The following MICAL3 variants were observed in gnomAD, a reference collection of about 807,000 sequenced individuals.
MICAL3 encodes the protein microtubule associated monooxygenase, calponin and LIM domain containing 3, also known as [F-actin]-monooxygenase MICAL3.
MICAL3 carries 62 observed loss-of-function variants against 207.4 expected under a neutral mutation model. That is an observed-to-expected ratio of 0.30 (90% CI 0.24 to 0.37). The LOEUF is 0.37. Ranked by LOEUF, MICAL3 falls within the 10% of genes least tolerant of loss-of-function variation. MICAL3 has a pLI of 1.00. For synonymous variants in MICAL3, 1,077 were observed against 1,069.3 expected, an observed-to-expected ratio of 1.01 and a Z score of -0.14; for missense variants, 2,368 against 2,635.6, an observed-to-expected ratio of 0.90 and a Z score of 2.22.
At chr22:17,944,315 T>C (rs539396042) in intron 1 of MICAL3, among the ~76,000 whole-genome samples, 1 of 152,296 alleles carries the variant, frequency 6.6e-6, no homozygotes, top group Non-Finnish European at 1.5e-5. Context: ...TGAATGAAGC[T>C]GTTTAGCCAA....
At chr22:17,884,432 G>A in intron 16 of MICAL3, 1 of 1,129,284 alleles carries the variant, frequency 8.9e-7, no homozygotes, top group Non-Finnish European at 1.3e-6. Context: ...ATTAAGGTGG[G>A]AGAAGAACAG....
At chr22:17,897,821 T>C (rs1294702847) in intron 7 of MICAL3, among the ~76,000 whole-genome samples, 3 of 152,260 alleles carry the variant, frequency 2.0e-5, no homozygotes, top group Admixed American at 2.0e-4. Flanking sequence ...AAATAGTAAG[T>C]AAGACTTGAA....
chr22:18,016,307 A>T (rs1351900495), intron 1 of MICAL3, among the ~76,000 whole-genome samples: 1 of 152,204 alleles, frequency 6.6e-6, no homozygotes, highest in African/African-American at 2.4e-5. Flanking sequence ...GCATTGCCTC[A>T]TGTAGATGAA....
intron 13 of MICAL3, 40 bp downstream of exon 13, chr22:17,888,994 A>G: frequency 6.9e-7 from 1 of 1,453,256 alleles, no homozygotes; most frequent in Non-Finnish European, 9.5e-7. Flanking sequence ...GCCACAGCAC[A>G]GCAGCAGGGG....
At chr22:17,822,230 A>G in intron 23 of MICAL3, 60 bp from the exon 24 acceptor site, 1 of 1,560,524 alleles carries the variant, frequency 6.4e-7, no homozygotes, top group Non-Finnish European at 8.7e-7. Flanking sequence ...CTCCTTTTCC[A>G]CCTGAGAGCA....
intron 1 of MICAL3, chr22:18,005,656 G>C (rs1436516844): frequency 6.6e-6 from 1 of 152,208 alleles, no homozygotes; most frequent in Non-Finnish European, 1.5e-5. Flanking sequence ...CTGCCCATGA[G>C]AGTGTGTCTT....
At chr22:17,984,318 G>A (rs1936056236) in intron 1 of MICAL3, among the ~76,000 whole-genome samples, 1 of 152,230 alleles carries the variant, frequency 6.6e-6, no homozygotes, top group Admixed American at 6.5e-5. Context: ...CCTGCTGCCA[G>A]CCAGGCCAAC....
intron 1 of MICAL3, among the ~76,000 whole-genome samples, chr22:17,940,494 C>G (rs573318446): frequency 1.3e-5 from 2 of 152,282 alleles, no homozygotes; most frequent in Admixed American, 1.3e-4. Flanking sequence ...TACATCACAA[C>G]TTTATCAAAC....
intron 29 of MICAL3, among the ~76,000 whole-genome samples, chr22:17,792,609 T>C (rs2061835573): frequency 6.6e-6 from 1 of 152,198 alleles, no homozygotes; most frequent in Admixed American, 6.5e-5. Context: ...ACACCTCTTA[T>C]CTGCAGTGGT....
chr22:17,855,879 G>A (rs1195547281), intron 19 of MICAL3, among the ~76,000 whole-genome samples: 3 of 152,220 alleles, frequency 2.0e-5, no homozygotes, highest in Non-Finnish European at 4.4e-5. Context: ...TCTCGCCCAC[G>A]CTGCCGAGCC....
intron 1 of MICAL3, among the ~76,000 whole-genome samples, chr22:17,956,106 G>C (rs1016999629): frequency 5.3e-5 from 8 of 152,238 alleles, no homozygotes; most frequent in Admixed American, 1.3e-4. Context: ...GGGAGCTGCA[G>C]AGGGCACACA....
chr22:17,858,996 T>C (rs1005564941), intron 19 of MICAL3, among the ~76,000 whole-genome samples: 1 of 152,210 alleles, frequency 6.6e-6, no homozygotes, highest in African/African-American at 2.4e-5. Context: ...CTCTCCCTTC[T>C]GCAGGCACTA....
intron 1 of MICAL3, among the ~76,000 whole-genome samples, chr22:18,012,401 C>T (rs1266470063): frequency 1.3e-5 from 2 of 152,176 alleles, no homozygotes; most frequent in Non-Finnish European, 2.9e-5. Flanking sequence ...AGGCCTCGGC[C>T]CTCATGGGGA....
At chr22:17,852,150 T>C (rs1382655256) in intron 19 of MICAL3, among the ~76,000 whole-genome samples, 1 of 151,904 alleles carries the variant, frequency 6.6e-6, no homozygotes, top group African/African-American at 2.4e-5. Flanking sequence ...CAAACCCACG[T>C]TCCAACAAAA....
At chr22:17,982,959 G>A (rs1023272282) in intron 1 of MICAL3, among the ~76,000 whole-genome samples, 1 of 152,084 alleles carries the variant, frequency 6.6e-6, no homozygotes, top group African/African-American at 2.4e-5. Context: ...CTCCTCATCT[G>A]GAAAGGACAG....
At chr22:17,846,484 C>G (rs1924640988) in intron 19 of MICAL3, among the ~76,000 whole-genome samples, 1 of 152,154 alleles carries the variant, frequency 6.6e-6, no homozygotes, top group South Asian at 2.1e-4. Flanking sequence ...TCAGATGAAT[C>G]AGGCGGTGAT....
rs1569169686 is a variant in MICAL3 at position 18,019,805 on chromosome 22, GATTT to G, written c.-75+4472_-75+4475del. 2.9e-4 allele frequency: 37 copies of G among 128,270 alleles called. 1 individual carries two copies. The highest frequency in any genetic ancestry group is 4.1e-4 in the Non-Finnish European group (28 of 67,782). 7.9% of individuals were successfully genotyped at this position (128,270 alleles called of 1,614,324 possible). The stretch of plus-strand genomic sequence containing the variant: ...TACTAGAGAAAATGAGAATGCTGCT[GATTT>G]TTTTTTTTTTTTTTTTTTTTTTGAG... On this transcript the variant is annotated intron_variant, in intron 1 of 31. Transcript: ENST00000441493.
chr22:17,871,543 T>G (rs1927724954), intron 17 of MICAL3, among the ~76,000 whole-genome samples: 1 of 152,256 alleles, frequency 6.6e-6, no homozygotes. Flanking sequence ...TGTGTTCCTT[T>G]TATCTCAAGT....
intron 16 of MICAL3, among the ~76,000 whole-genome samples, chr22:17,881,713 C>T (rs1929447071): frequency 6.6e-6 from 1 of 152,212 alleles, no homozygotes; most frequent in African/African-American, 2.4e-5. Context: ...GCAGCCCCTT[C>T]AGGGAGCAGC....
Sources: allele counts gnomAD v4.1 joint callset (sites outside exome capture counted in the v4.1 genomes callset), GRCh38; gene constraint gnomAD v4.1.1; transcripts MANE v1.5; gene names NCBI Gene and HGNC (gene_info 2026-07-23, HGNC 2026-07-21).